The following TADA3 variants were observed in gnomAD, a reference collection of about 807,000 sequenced individuals.
The protein encoded by TADA3 is transcriptional adaptor 3.
Under a neutral mutation model 43.2 loss-of-function variants are expected in TADA3, and 25 were observed. That is an observed-to-expected ratio of 0.58 (90% confidence interval 0.42 to 0.81). The LOEUF (loss-of-function observed/expected upper bound fraction) is 0.81, where lower values mean the gene tolerates loss of function less well. Among genes scored for constraint, TADA3 ranks in the 30% least tolerant of loss-of-function variants. The pLI, the probability that TADA3 is intolerant of heterozygous loss-of-function variation, is 0.00. For missense variants in TADA3, 441 were observed against 567.8 expected (o/e 0.78, Z 2.27); for synonymous variants, 235 against 225.5 (o/e 1.04, Z -0.38).
chr3:9,792,791 C>CA (rs2078773954), upstream of TADA3: 32 of 1,262,022 alleles, frequency 2.5e-5, no homozygotes, highest in South Asian at 8.4e-4. Flanking sequence ...ATTTGGTGCC[C>CA]AATCTGAAGC....
rs1575297251 is a variant in TADA3 at position 9,784,076 on chromosome 3, A to G, written c.1058T>C (p.Leu353Pro). 1 of 1,614,162 alleles carries G rather than the reference A, an allele frequency of 6.2e-7. No individual in the cohort carries two copies. The highest frequency in any genetic ancestry group is 8.5e-7 in the Non-Finnish European group (1 of 1,180,008). The stretch of plus-strand genomic sequence containing the variant: ...GCGGTTGTGGGCACTAAGTGCCTTC[A>G]GCTCAGCCTGCCGTTTGCGAAGCTC... ...LAELRKRQAE[L>P]KALSAHNRTK... The change falls in exon 8 of 9, where the codon CTG becomes CCG. Residue 353 changes from leucine to proline, a missense_variant. Transcript: ENST00000301964.
At chr3:9,781,828 TACTTC>T (rs1378504319) in intron 8 of TADA3, among the ~76,000 whole-genome samples, 1 of 143,666 alleles carries the variant, frequency 7.0e-6, no homozygotes, top group Non-Finnish European at 1.5e-5. Context: ...CATTGCCCAT[TACTTC>T]TTTTTTTTTT....
At chr3:9,787,541 TAAGA>T in intron 4 of TADA3, 2 of 983,678 alleles carry the variant, frequency 2.0e-6, no homozygotes, top group Non-Finnish European at 1.5e-6. Context: ...CAAAAAGAAC[TAAGA>T]CACACACACA....
intron 8 of TADA3, chr3:9,781,716 G>C: frequency 2.4e-6 from 1 of 416,804 alleles, no homozygotes; most frequent in Admixed American, 2.4e-5. Flanking sequence ...TTCCAGAAGG[G>C]GAAGGAGATG....
chr3:9,781,181 C>T (rs574273465), intron 8 of TADA3, among the ~76,000 whole-genome samples: 4 of 151,972 alleles, frequency 2.6e-5, no homozygotes, highest in African/African-American at 9.7e-5. Context: ...CAAAGTAGCT[C>T]ATGCCTGTAA....
intron 8 of TADA3, 162 bp downstream of exon 8, chr3:9,783,866 C>G: frequency 1.6e-6 from 2 of 1,266,032 alleles, no homozygotes; most frequent in South Asian, 3.4e-5. Flanking sequence ...TTGTTTGGGA[C>G]ATACCCGGTG....
intron 8 of TADA3, 173 bp downstream of exon 8, chr3:9,783,855 T>G: frequency 8.5e-7 from 1 of 1,170,086 alleles, no homozygotes; most frequent in Non-Finnish European, 1.1e-6. Flanking sequence ...GGAATCAGAA[T>G]TTGTTTGGGA....
rs1177412823 is a variant in TADA3, at chr3:9,789,605, A to G, written c.468T>C (p.Ala156=). 5 of 1,613,904 alleles carry G rather than the reference A, an allele frequency of 3.1e-6. No individual in the cohort carries two copies. The African/African-American group carries it at 6.7e-5, about 22-fold the overall frequency. Residue 156 remains alanine, a synonymous_variant, in exon 4 of 9, where the codon GCT becomes GCC. Coordinates refer to ENST00000301964, the MANE Select transcript of TADA3 (RefSeq NM_006354.5). ...PKNDAPNRFW[A]SVEPYCADIT... is the part of the protein sequence containing the mutation. ...TGTCAGCACAGTAGGGCTCCACTGA[A>G]GCCCAGAACCTGCAGGGAGAAGCAG...
chr3:9,783,266 T>A (rs938363692), intron 8 of TADA3: 3 of 151,618 alleles, frequency 2.0e-5, no homozygotes, highest in African/African-American at 7.3e-5. Flanking sequence ...ACAATGTGAA[T>A]ATGGGTAACA....
Position 9,785,410 on chromosome 3 carries a change from G to C in TADA3, c.826C>G (p.Pro276Ala). Residue 276 changes from proline to alanine, a missense_variant, in exon 7 of 9, where the codon CCT (proline) becomes GCT (alanine). Pro to Ala is a conservative substitution (Grantham distance 27, BLOSUM62 -1). Coordinates refer to ENST00000301964, the MANE Select transcript of TADA3 (RefSeq NM_006354.5). ...QALVEENIIS[P>A]MEDSPIPDMS... ...TCAGGAATAGGAGAATCCTCCATAG[G>C]GGAAATAATATTTTCCTAGAAGACC... 6.2e-7 allele frequency: 1 copy of C among 1,613,250 alleles called. No individual in the cohort carries two copies. The highest frequency in any genetic ancestry group is 1.1e-5 in the South Asian group (1 of 91,016).
rs76020353 is a variant in TADA3 at position 9,791,640 on chromosome 3, A to C, written c.-27-147T>G. The C allele has an allele frequency of 2.3e-3, 1,347 of 575,546 alleles. 35 individuals are homozygous for C. In the East Asian group the frequency reaches 0.038, roughly 16 times the overall value. 35.7% of individuals were successfully genotyped at this position (575,546 alleles called of 1,614,324 possible). A position where few individuals can be genotyped will look rare whatever the true frequency, so the allele number is the denominator to read the frequency against. ...CACAGTTCCTACTCACAGGGCACTT[A>C]ACTGGGTACCAAGCTAGGTGCAGAG... On this transcript the variant is annotated intron_variant, in intron 1 of 8. Transcript: ENST00000301964.
In TADA3 at chr3:9,784,155, G is replaced by T. The variant is rs1442586852; in HGVS notation, c.979C>A (p.Leu327Ile). ...RIKEELIAQG[L>I]LESEDRPAED... The stretch of plus-strand genomic sequence containing the variant: ...GCGGGGCGGTCCTCAGACTCCAAAA[G>T]GCCCTGGGCAATTAGCTCCTCCTTG... Residue 327 changes from leucine (L) to isoleucine (I), a missense_variant, in exon 8 of 9, where the codon CTT becomes ATT. Transcript: ENST00000301964. 1.2e-6 allele frequency: 2 copies of T among 1,614,140 alleles called. No individual in the cohort carries two copies. Among genetic ancestry groups the T allele is most frequent in the Non-Finnish European group, 1.7e-6 (2 of 1,179,974 alleles).
At chr3:9,785,022 T>C (rs1202507036) in intron 7 of TADA3, among the ~76,000 whole-genome samples, 5 of 152,226 alleles carry the variant, frequency 3.3e-5, no homozygotes, top group Non-Finnish European at 5.9e-5. Flanking sequence ...CTTGCAGCTA[T>C]ATGATTAATA....
chr3:9,780,629 C>G (rs1245318652), intron 8 of TADA3, 80 bp from the exon 9 acceptor site: 6 of 1,434,648 alleles, frequency 4.2e-6, no homozygotes, highest in Non-Finnish European at 5.6e-6. Flanking sequence ...CCGAGCCTAC[C>G]CACCAGCCCA....
At chr3:9,790,338 C>A (rs943096691) in intron 2 of TADA3, among the ~76,000 whole-genome samples, 4 of 152,210 alleles carry the variant, frequency 2.6e-5, no homozygotes, top group Admixed American at 1.3e-4. Flanking sequence ...TAAAATACAA[C>A]TTGAGTCATA....
Position 9,791,222 on chromosome 3 carries a change from G to A in TADA3, c.207+38C>T, listed in dbSNP as rs2078723829. On this transcript the variant is annotated intron_variant, in intron 2 of 8. Transcript: ENST00000301964. ...ATGACCCATCCCATAACTTGTTGCA[G>A]TCCATCTCTGGTGCTGGCCCCTCTC... 8 of 1,583,442 alleles carry A rather than the reference G, an allele frequency of 5.1e-6. No homozygotes were observed. The South Asian group carries it at 8.1e-5, about 16-fold the overall frequency.
upstream of TADA3, chr3:9,792,806 C>A: frequency 7.5e-7 from 1 of 1,333,850 alleles, no homozygotes; most frequent in Non-Finnish European, 9.6e-7. Flanking sequence ...TGAAGCTGGG[C>A]TGTACCATTG....
Position 9,789,890 on chromosome 3 carries a change from G to A in TADA3, c.281C>T (p.Ala94Val). 1 of 1,614,220 alleles carries A rather than the reference G, an allele frequency of 6.2e-7. No homozygotes were observed. ...LKLGRDHELG[A>V]PPKHGKPKKQ... is the part of the protein sequence containing the mutation. ...CTTGGGCTTCCCATGTTTGGGGGGA[G>A]CTCCAAGTTCATGGTCTCGACCCAG... The change falls in exon 3 of 9, where the codon GCT (alanine) becomes GTT (valine). Residue 94 changes from alanine (A) to valine (V), a missense_variant. By Grantham distance (64) the Ala-to-Val change is moderately conservative. Coordinates refer to ENST00000301964, the MANE Select transcript of TADA3 (RefSeq NM_006354.5).
upstream of TADA3, chr3:9,792,615 AGCCCCGGGGCACAGCCCGG>A: frequency 1.6e-6 from 2 of 1,230,692 alleles, no homozygotes; most frequent in Non-Finnish European, 2.0e-6. Context: ...GCCTCAGGCG[AGCCCCGGGGCACAGCCCGG>A]GGCGGGAGGC....
Sources: gnomAD v4.1 joint callset for allele counts (sites outside exome capture counted in the v4.1 genomes callset) on GRCh38, gnomAD v4.1.1 for gene constraint, MANE v1.5 for transcripts, NCBI Gene and HGNC (gene_info 2026-07-23, HGNC 2026-07-21) for gene names.